RORB: variants seen among roughly 807,000 people sequenced by gnomAD.
RORB encodes the protein nuclear receptor ROR-beta.
Under a neutral mutation model 59.1 loss-of-function variants are expected in RORB, and 6 were observed. The observed-to-expected ratio is 0.10, with a 90% CI of 0.06 to 0.20. RORB has a LOEUF of 0.20. Among genes scored for constraint, RORB ranks in the 10% least tolerant of loss-of-function variants. The pLI, the probability that RORB is intolerant of heterozygous loss-of-function variation, is 1.00. For synonymous variants in RORB, 215 were observed against 204.5 expected, an observed-to-expected ratio of 1.05 and a Z score of -0.44; for missense variants, 320 against 560.5, an observed-to-expected ratio of 0.57 and a Z score of 4.33.
chr9:74,603,646 G>T (rs955894168), intron 1 of RORB, among the ~76,000 whole-genome samples: 1 of 152,142 alleles, frequency 6.6e-6, no homozygotes, highest in African/African-American at 2.4e-5. Flanking sequence ...TAAGAATAAG[G>T]ACAAATTCAC....
At chr9:74,668,747 G>T (rs1824305871) in intron 8 of RORB, among the ~76,000 whole-genome samples, 1 of 152,170 alleles carries the variant, frequency 6.6e-6, no homozygotes, top group South Asian at 2.1e-4. Flanking sequence ...GTAGGCTGAG[G>T]AGAAGGAGGA....
At chr9:74,500,321 C>T (rs1825789306) in intron 1 of RORB, among the ~76,000 whole-genome samples, 1 of 152,088 alleles carries the variant, frequency 6.6e-6, no homozygotes, top group South Asian at 2.1e-4. Flanking sequence ...GGACAGTGCC[C>T]TACCACAGTA....
At chr9:74,549,545 G>GA in intron 1 of RORB, among the ~76,000 whole-genome samples, 4 of 25,168 alleles carry the variant, frequency 1.6e-4, no homozygotes, top group Admixed American at 7.2e-4. Context: ...GGGAGGGAGG[G>GA]AGGGAAGGAA....
intron 1 of RORB, among the ~76,000 whole-genome samples, chr9:74,531,551 C>T (rs1162671669): frequency 1.3e-5 from 2 of 151,874 alleles, no homozygotes; most frequent in African/African-American, 2.4e-5. Context: ...TTACGAGATC[C>T]GTTTAGAGAG....
At chr9:74,651,565 T>C (rs1000723209) in intron 4 of RORB, among the ~76,000 whole-genome samples, 2 of 150,578 alleles carry the variant, frequency 1.3e-5, no homozygotes, top group South Asian at 2.1e-4. Flanking sequence ...AAAATTCTCA[T>C]GTAGCCTCTC....
intron 1 of RORB, among the ~76,000 whole-genome samples, chr9:74,622,629 C>T (rs1419698659): frequency 1.4e-5 from 2 of 145,380 alleles, no homozygotes; most frequent in African/African-American, 2.5e-5. Flanking sequence ...CGAGTTCAAG[C>T]GATTCTCCTG....
chr9:74,565,202 A>T (rs1188252288), intron 1 of RORB, among the ~76,000 whole-genome samples: 2 of 152,202 alleles, frequency 1.3e-5, no homozygotes, highest in Non-Finnish European at 2.9e-5. Context: ...AGCTAAAAAC[A>T]CCCAATCTTT....
At chr9:74,631,287 A>C (rs1158409608) in intron 2 of RORB, among the ~76,000 whole-genome samples, 5 of 152,244 alleles carry the variant, frequency 3.3e-5, no homozygotes, top group African/African-American at 1.2e-4. Flanking sequence ...AGCTAACGCT[A>C]AAGGACCATG....
At chr9:74,679,317 T>TA (rs1824502591) in intron 9 of RORB, among the ~76,000 whole-genome samples, 1 of 152,132 alleles carries the variant, frequency 6.6e-6, no homozygotes, top group Non-Finnish European at 1.5e-5. Context: ...TAGGGAAAAG[T>TA]TCCCAAGTCA....
At chr9:74,661,801 A>G (rs1365976484) in intron 5 of RORB, among the ~76,000 whole-genome samples, 2 of 149,406 alleles carry the variant, frequency 1.3e-5, no homozygotes, top group Non-Finnish European at 3.0e-5. Flanking sequence ...CCCCCCCACC[A>G]CGCCCAGCTA....
chr9:74,571,630 A>G (rs1452094862), intron 1 of RORB, among the ~76,000 whole-genome samples: 1 of 152,114 alleles, frequency 6.6e-6, no homozygotes, highest in African/African-American at 2.4e-5. Flanking sequence ...ACTCAATATT[A>G]TTTTTTTCGT....
chr9:74,690,798 T>C lies in RORB; in HGVS notation c.*5180T>C, dbSNP rs1180438885. ...GCAAACAGTCTAAAAATGAAAACTA[T>C]TCAATTTAGTGATGGCTTATAAAAG... On this transcript the variant is annotated 3_prime_UTR_variant, in exon 10 of 10. Coordinates refer to ENST00000376896, the MANE Select transcript of RORB (RefSeq NM_006914.4). 6.6e-6 allele frequency: 1 copy of C among 152,100 alleles called. No individual in the cohort carries two copies. Among genetic ancestry groups the C allele is most frequent in the Non-Finnish European group, 1.5e-5 (1 of 68,016 alleles). The allele number at this position is 152,100 out of a possible 1,614,324, so 9.4% of individuals were successfully genotyped here. A position where few individuals can be genotyped will look rare whatever the true frequency, so the allele number is the denominator to read the frequency against.
intron 1 of RORB, among the ~76,000 whole-genome samples, chr9:74,559,415 G>A (rs767058118): frequency 1.3e-5 from 2 of 152,126 alleles, no homozygotes. Context: ...GACTGGTATT[G>A]CGTGGAGTTA....
chr9:74,607,396 C>T (rs1053525606), intron 1 of RORB, among the ~76,000 whole-genome samples: 1 of 152,126 alleles, frequency 6.6e-6, no homozygotes, highest in African/African-American at 2.4e-5. Flanking sequence ...GTGAGGCTTG[C>T]CACTTTACAT....
At chr9:74,504,862 T>C (rs922050166) in intron 1 of RORB, among the ~76,000 whole-genome samples, 2 of 152,218 alleles carry the variant, frequency 1.3e-5, no homozygotes, top group African/African-American at 4.8e-5. Context: ...ATAATTGCAA[T>C]AAATTAATTT....
At chr9:74,654,151 C>T (rs1277343219) in intron 4 of RORB, among the ~76,000 whole-genome samples, 1 of 152,236 alleles carries the variant, frequency 6.6e-6, no homozygotes, top group Admixed American at 6.5e-5. Flanking sequence ...CTTTTTACAT[C>T]GTCTGATATA....
intron 1 of RORB, among the ~76,000 whole-genome samples, chr9:74,619,460 C>G: frequency 6.6e-6 from 1 of 152,128 alleles, no homozygotes; most frequent in East Asian, 1.9e-4. Flanking sequence ...AGTTGTTTTT[C>G]TTATTTTTTG....
chr9:74,577,679 G>T (rs1021823808), intron 1 of RORB, among the ~76,000 whole-genome samples: 2 of 151,976 alleles, frequency 1.3e-5, no homozygotes, highest in African/African-American at 4.8e-5. Flanking sequence ...CAAATAAGCG[G>T]GTTTGCCCCA....
intron 1 of RORB, among the ~76,000 whole-genome samples, chr9:74,562,875 T>C (rs1443625109): frequency 6.6e-6 from 1 of 152,240 alleles, no homozygotes; most frequent in African/African-American, 2.4e-5. Flanking sequence ...TTTATCACTG[T>C]TGCTGTTTCA....
Sources: gnomAD v4.1 joint callset for allele counts (sites outside exome capture counted in the v4.1 genomes callset) on GRCh38, gnomAD v4.1.1 for gene constraint, MANE v1.5 for transcripts, NCBI Gene and HGNC (gene_info 2026-07-23, HGNC 2026-07-21) for gene names.